KCNJ6: variants seen among roughly 807,000 people sequenced by gnomAD.
KCNJ6 encodes potassium inwardly rectifying channel subfamily J member 6, also known as G protein-activated inward rectifier potassium channel 2.
Under a neutral mutation model 34.2 loss-of-function variants are expected in KCNJ6, and 9 were observed. The ratio of observed to expected loss-of-function variants is 0.26; its 90% CI spans 0.16 to 0.46. The LOEUF (loss-of-function observed/expected upper bound fraction) is 0.46. Ranked by LOEUF, KCNJ6 falls within the 20% of genes least tolerant of loss-of-function variation. The pLI is 1.00. For synonymous variants in KCNJ6, 196 were observed against 207.1 expected, an observed-to-expected ratio of 0.95 and a Z score of 0.46; for missense variants, 236 against 531.3, an observed-to-expected ratio of 0.44 and a Z score of 5.46.
intron 3 of KCNJ6, among the ~76,000 whole-genome samples, chr21:37,673,361 C>T (rs1254142515): frequency 1.3e-5 from 2 of 152,086 alleles, no homozygotes; most frequent in Non-Finnish European, 2.9e-5. Flanking sequence ...CTTCCTTTGG[C>T]TGGGCTGCCC....
intron 1 of KCNJ6, among the ~76,000 whole-genome samples, chr21:37,914,804 T>C (rs1337103403): frequency 6.6e-6 from 1 of 152,120 alleles, no homozygotes. Flanking sequence ...GGATGTGGCA[T>C]TGCTCCCTGT....
intron 3 of KCNJ6, among the ~76,000 whole-genome samples, chr21:37,689,966 C>A (rs954449371): frequency 6.6e-6 from 1 of 152,004 alleles, no homozygotes; most frequent in Non-Finnish European, 1.5e-5. Context: ...CTCCTGCATT[C>A]GTAGGGAATT....
At chr21:37,698,761 A>G (rs1467807644) in intron 3 of KCNJ6, among the ~76,000 whole-genome samples, 1 of 151,396 alleles carries the variant, frequency 6.6e-6, no homozygotes, top group African/African-American at 2.4e-5. Context: ...CAGTGGCACG[A>G]TCTTGGCTTA....
intron 2 of KCNJ6, among the ~76,000 whole-genome samples, chr21:37,765,152 T>G (rs1026761030): frequency 3.3e-5 from 5 of 152,274 alleles, no homozygotes; most frequent in Non-Finnish European, 5.9e-5. Flanking sequence ...TATTTTACTG[T>G]GTCAATGTTC....
intron 1 of KCNJ6, among the ~76,000 whole-genome samples, chr21:37,888,596 G>A (rs1023107897): frequency 2.2e-4 from 33 of 152,234 alleles, no homozygotes; most frequent in African/African-American, 8.0e-4. Flanking sequence ...ATGGGAGGAA[G>A]GTGGATAAAA....
intron 3 of KCNJ6, among the ~76,000 whole-genome samples, chr21:37,636,005 G>A (rs992536169): frequency 2.0e-5 from 3 of 152,166 alleles, no homozygotes; most frequent in Non-Finnish European, 4.4e-5. Flanking sequence ...AACTATTCAC[G>A]TATTTGGTGG....
chr21:37,882,707 G>T (rs2055715570), intron 1 of KCNJ6, among the ~76,000 whole-genome samples: 1 of 152,180 alleles, frequency 6.6e-6, no homozygotes, highest in African/African-American at 2.4e-5. Flanking sequence ...GTCACCACGG[G>T]CACTTTTAGT....
intron 3 of KCNJ6, among the ~76,000 whole-genome samples, chr21:37,690,022 TC>T (rs2054632488): frequency 6.6e-6 from 1 of 152,238 alleles, no homozygotes; most frequent in South Asian, 2.1e-4. Flanking sequence ...CTCTTATCCC[TC>T]TGCAATAAAC....
chr21:37,905,000 A>G (rs528313191), intron 1 of KCNJ6, among the ~76,000 whole-genome samples: 3 of 152,236 alleles, frequency 2.0e-5, no homozygotes, highest in South Asian at 2.1e-4. Flanking sequence ...CAGCACCGCT[A>G]TTTATTCACT....
At chr21:37,674,876 C>A (rs1016852275) in intron 3 of KCNJ6, among the ~76,000 whole-genome samples, 18 of 152,036 alleles carry the variant, frequency 1.2e-4, no homozygotes, top group African/African-American at 4.4e-4. Context: ...GGGCAATAAA[C>A]GACGAATGAA....
intron 1 of KCNJ6, among the ~76,000 whole-genome samples, chr21:37,881,515 T>G (rs942911644): frequency 6.6e-6 from 1 of 152,074 alleles, no homozygotes; most frequent in Non-Finnish European, 1.5e-5. Flanking sequence ...CCTCTGCTTC[T>G]TTTGTTGTTG....
At chr21:37,627,173 A>T (rs1446924693) in intron 3 of KCNJ6, among the ~76,000 whole-genome samples, 8 of 152,150 alleles carry the variant, frequency 5.3e-5, no homozygotes, top group Admixed American at 5.2e-4. Flanking sequence ...GGTGCCAGGG[A>T]CCTATGTGGT....
At chr21:37,809,384 GA>G (rs1195635023) in intron 2 of KCNJ6, among the ~76,000 whole-genome samples, 11 of 151,708 alleles carry the variant, frequency 7.3e-5, no homozygotes, top group Non-Finnish European at 1.2e-4. Flanking sequence ...GTGGGGTGGG[GA>G]GAGGGGGGAG....
At chr21:37,841,675 A>G (rs1317591568) in intron 1 of KCNJ6, among the ~76,000 whole-genome samples, 1 of 152,188 alleles carries the variant, frequency 6.6e-6, no homozygotes, top group Non-Finnish European at 1.5e-5. Context: ...TCATATACAC[A>G]TTTTGTGTTG....
At chr21:37,627,688 AAAC>A (rs1181315598) in intron 3 of KCNJ6, among the ~76,000 whole-genome samples, 1 of 152,220 alleles carries the variant, frequency 6.6e-6, no homozygotes, top group Non-Finnish European at 1.5e-5. Flanking sequence ...TATTCCTGAG[AAAC>A]TAGAAGACCA....
chr21:37,633,573 G>T (rs964122570), intron 3 of KCNJ6, among the ~76,000 whole-genome samples: 5 of 152,098 alleles, frequency 3.3e-5, no homozygotes, highest in Admixed American at 1.3e-4. Flanking sequence ...ATCCACAAGA[G>T]TAGTACAACT....
intron 3 of KCNJ6, among the ~76,000 whole-genome samples, chr21:37,641,067 A>G (rs2054378632): frequency 1.3e-5 from 2 of 152,230 alleles, no homozygotes; most frequent in South Asian, 4.1e-4. Flanking sequence ...ACTGGGTTAT[A>G]GGAACCTCAC....
chr21:37,843,865 T>C (rs144250800), intron 1 of KCNJ6, among the ~76,000 whole-genome samples: 95 of 152,292 alleles, frequency 6.2e-4, no homozygotes, highest in Admixed American at 3.5e-3. Context: ...CAAGATCCCT[T>C]ATACAGCAGT....
intron 2 of KCNJ6, among the ~76,000 whole-genome samples, chr21:37,795,045 G>A (rs907734940): frequency 6.6e-6 from 1 of 152,170 alleles, no homozygotes; most frequent in Non-Finnish European, 1.5e-5. Context: ...CTGGTATGAA[G>A]TAGGTAACCA....
Sources: gnomAD v4.1 joint callset for allele counts (sites outside exome capture counted in the v4.1 genomes callset) on GRCh38, gnomAD v4.1.1 for gene constraint, MANE v1.5 for transcripts, NCBI Gene and HGNC (gene_info 2026-07-23, HGNC 2026-07-21) for gene names.